EEFSEC: variants seen among roughly 807,000 people sequenced by gnomAD.
EEFSEC encodes the protein selenocysteine-specific elongation factor.
In EEFSEC, 43 loss-of-function variants were observed where a neutral mutation model predicts 42.1. That is an observed-to-expected ratio of 1.02 (90% CI 0.80 to 1.32). The LOEUF is 1.32. EEFSEC is among the 40% of genes most tolerant of loss of function. The probability of loss-of-function intolerance (pLI) is 0.00; values close to 1 mark genes in which losing one functional copy is unlikely to be tolerated. For missense variants in EEFSEC, 745 were observed against 803.6 expected, an observed-to-expected ratio of 0.93 and a Z score of 0.88; for synonymous variants, 354 against 339.1, an observed-to-expected ratio of 1.04 and a Z score of -0.48.
intron 2 of EEFSEC, among the ~76,000 whole-genome samples, chr3:128,257,065 G>A (rs1352664133): frequency 6.6e-6 from 1 of 152,186 alleles, no homozygotes; most frequent in African/African-American, 2.4e-5. Flanking sequence ...GTTTTTGAAA[G>A]CTCTAGAGTT....
At position 128,369,647 on chromosome 3, in the gene EEFSEC, T is replaced by C. The variant is rs138160926; in HGVS notation, c.1600+11274T>C. Among the ~76,000 whole-genome samples, 1,217 of 152,366 alleles carry C rather than the reference T, an allele frequency of 8.0e-3. 13 individuals are homozygous for C. The highest frequency in any genetic ancestry group is 0.034 in the South Asian group (162 of 4,830). On this transcript the variant is annotated intron_variant, in intron 6 of 6. Transcript: ENST00000254730. ...GGAGGCAGCCAGACCTGTGTTGGAA[T>C]CCTGGCTAGAATGCTACCCTTTCTG...
intron 1 of EEFSEC, among the ~76,000 whole-genome samples, chr3:128,208,212 C>T (rs1001999401): frequency 6.6e-5 from 10 of 152,190 alleles, no homozygotes; most frequent in South Asian, 2.1e-4. Context: ...CTCTAAGTGG[C>T]GGATGGTTGG....
intron 1 of EEFSEC, among the ~76,000 whole-genome samples, chr3:128,241,201 CTTTTTTTTTTTTT>C (rs373420882): frequency 1.2e-5 from 1 of 80,658 alleles, no homozygotes; most frequent in Non-Finnish European, 2.2e-5. Flanking sequence ...CTCTCTCTCT[CTTTTTTTTTTTTT>C]TTTTTTTTTT....
chr3:128,169,924 G>A (rs536863005), intron 1 of EEFSEC, among the ~76,000 whole-genome samples: 2 of 152,284 alleles, frequency 1.3e-5, no homozygotes, highest in East Asian at 3.9e-4. Context: ...TTCCTGCGGG[G>A]CTGCCTCTTG....
intron 5 of EEFSEC, among the ~76,000 whole-genome samples, chr3:128,349,476 A>G (rs1241537720): frequency 2.0e-5 from 3 of 152,154 alleles, no homozygotes; most frequent in South Asian, 4.1e-4. Context: ...ACAAATCATG[A>G]CTTTTCAGGA....
Position 128,241,275 on chromosome 3 carries a change from GGCCTTGACCTGCA to G in EEFSEC, c.317-5550_317-5538del, listed in dbSNP as rs2066068608. On this transcript the variant is annotated intron_variant, in intron 1 of 6. Coordinates refer to ENST00000254730, the MANE Select transcript of EEFSEC (RefSeq NM_021937.5). ...AGGCTGGAGTACAGTGGTGTAATCAGGCCTTGACCTGCAGCCTTGACCTCTCTGGGCTTAGGTG... is the reference window on the plus strand; with the variant it reads ...AGGCTGGAGTACAGTGGTGTAATCAGGCCTTGACCTCTCTGGGCTTAGGTG... Among the ~76,000 whole-genome samples, 5 of 137,964 alleles carry G rather than the reference GGCCTTGACCTGCA, an allele frequency of 3.6e-5. 1 individual carries two copies. In the South Asian group the frequency reaches 1.2e-3, roughly 32 times the overall value. 90.5% of individuals were successfully genotyped at this position (137,964 alleles called of 152,430 possible). A position where few individuals can be genotyped will look rare whatever the true frequency, so the allele number is the denominator to read the frequency against.
intron 4 of EEFSEC, among the ~76,000 whole-genome samples, chr3:128,295,982 G>A (rs1428953886): frequency 6.6e-6 from 1 of 152,184 alleles, no homozygotes; most frequent in Non-Finnish European, 1.5e-5. Flanking sequence ...GTGACCTATA[G>A]GGCAGCTTTA....
intron 1 of EEFSEC, among the ~76,000 whole-genome samples, chr3:128,231,849 C>T (rs1161428021): frequency 2.0e-5 from 3 of 152,096 alleles, no homozygotes; most frequent in African/African-American, 4.8e-5. Context: ...GTATCTCCCC[C>T]GACTCCCCCA....
intron 6 of EEFSEC, among the ~76,000 whole-genome samples, chr3:128,358,957 T>C (rs1408913403): frequency 2.6e-5 from 4 of 152,216 alleles, no homozygotes; most frequent in Admixed American, 1.3e-4. Flanking sequence ...CAGCCTACAC[T>C]GCATCATGTT....
intron 6 of EEFSEC, among the ~76,000 whole-genome samples, chr3:128,407,313 T>C (rs747821009): frequency 4.6e-5 from 7 of 152,202 alleles, no homozygotes; most frequent in Non-Finnish European, 7.3e-5. Context: ...GGGGCGGGGC[T>C]GCGTATACCC....
chr3:128,211,880 G>A (rs2065761222), intron 1 of EEFSEC, among the ~76,000 whole-genome samples: 1 of 69,608 alleles, frequency 1.4e-5, no homozygotes, highest in Non-Finnish European at 2.5e-5. Context: ...TTTTTTTTGA[G>A]ACAGAGTCTT....
chr3:128,412,830 A>G (rs1006137074), downstream of EEFSEC, among the ~76,000 whole-genome samples: 5 of 152,198 alleles, frequency 3.3e-5, no homozygotes, highest in African/African-American at 4.8e-5. Context: ...GCAAGGCTCT[A>G]CAGGGGCTCC....
intron 4 of EEFSEC, among the ~76,000 whole-genome samples, chr3:128,298,413 G>A (rs1181889721): frequency 6.6e-6 from 1 of 152,170 alleles, no homozygotes; most frequent in Non-Finnish European, 1.5e-5. Flanking sequence ...CTCCCAAAGT[G>A]CTAGGATTAC....
intron 6 of EEFSEC, among the ~76,000 whole-genome samples, chr3:128,390,671 G>A (rs1249649664): frequency 6.6e-6 from 1 of 152,182 alleles, no homozygotes; most frequent in Non-Finnish European, 1.5e-5. Context: ...CCATGCTGTG[G>A]TCTGTGCCCA....
Position 128,307,337 on chromosome 3 carries a change from G to A in EEFSEC, c.787-33896G>A, listed in dbSNP as rs570999637. Among the ~76,000 whole-genome samples, 8 of 152,348 alleles carry A rather than the reference G, an allele frequency of 5.3e-5. No homozygotes were observed. In the East Asian group the frequency reaches 1.5e-3, roughly 29 times the overall value. ...CCAGACCCCAGTGTTGAATGTGGAG[G>A]AAAGGGCTTGGTTTATTGTTGGGGG... is the stretch of plus-strand genomic sequence containing the variant. On this transcript the variant is annotated intron_variant, in intron 4 of 6. Coordinates refer to ENST00000254730, the MANE Select transcript of EEFSEC (RefSeq NM_021937.5).
At chr3:128,219,996 A>G (rs947948474) in intron 1 of EEFSEC, among the ~76,000 whole-genome samples, 1 of 152,160 alleles carries the variant, frequency 6.6e-6, no homozygotes, top group Non-Finnish European at 1.5e-5. Context: ...AACTCTTTGC[A>G]TTTGCGGTGG....
chr3:128,284,634 A>C (rs2066564030), intron 4 of EEFSEC, among the ~76,000 whole-genome samples: 1 of 152,218 alleles, frequency 6.6e-6, no homozygotes. Context: ...ACACTAAACA[A>C]ATGACCAGGG....
intron 1 of EEFSEC, among the ~76,000 whole-genome samples, chr3:128,229,795 A>G (rs1172659898): frequency 1.3e-5 from 2 of 152,168 alleles, no homozygotes; most frequent in African/African-American, 2.4e-5. Context: ...TGGCAACTTG[A>G]GGCCTACATT....
At position 128,341,809 on chromosome 3, in the gene EEFSEC, G is replaced by C; in HGVS notation, c.1363G>C (p.Glu455Gln). The C allele has an allele frequency of 6.2e-7, 1 of 1,614,118 alleles. No homozygotes were observed. Among genetic ancestry groups the C allele is most frequent in the Non-Finnish European group, 8.5e-7 (1 of 1,180,050 alleles). Residue 455 changes from glutamate to glutamine, a missense_variant, in exon 5 of 7, where the codon GAG (glutamate) becomes CAG (glutamine). Coordinates refer to ENST00000254730, the MANE Select transcript of EEFSEC (RefSeq NM_021937.5). ...CCATGGCATCCTGCTCCACGGGCTA[G>C]AGGACAGGAACTACGCCGACAGCTT... Reference protein sequence around the residue: ...AFHGILLHGLEDRNYADSFLP... With the variant: ...AFHGILLHGLQDRNYADSFLP...
Sources: allele counts gnomAD v4.1 joint callset (sites outside exome capture counted in the v4.1 genomes callset), GRCh38; gene constraint gnomAD v4.1.1; transcripts MANE v1.5; gene names NCBI Gene and HGNC (gene_info 2026-07-23, HGNC 2026-07-21).